ZNF195: variants seen among roughly 807,000 people sequenced by gnomAD.
ZNF195 encodes hypoxia-regulated factor-1.
ZNF195 carries 11 observed loss-of-function variants against 19.5 expected under a neutral mutation model. The ratio of observed to expected loss-of-function variants is 0.57; its 90% CI spans 0.36 to 0.94. The LOEUF (loss-of-function observed/expected upper bound fraction) is 0.94, where lower values mean the gene tolerates loss of function less well. Ranked by LOEUF, ZNF195 falls within the 40% of genes least tolerant of loss-of-function variation. The probability of loss-of-function intolerance (pLI) is 0.01; values close to 1 mark genes in which losing one functional copy is unlikely to be tolerated. For missense variants in ZNF195, 582 were observed against 709.0 expected, an observed-to-expected ratio of 0.82 and a Z score of 2.03; for synonymous variants, 214 against 248.1, an observed-to-expected ratio of 0.86 and a Z score of 1.29.
intron 3 of ZNF195, among the ~76,000 whole-genome samples, chr11:3,367,281 C>A (rs528609620): frequency 2.6e-5 from 4 of 151,834 alleles, no homozygotes; most frequent in African/African-American, 9.7e-5. Context: ...TATATACATA[C>A]AAGGAATATT....
chr11:3,377,601 T>C (rs1396226526), intron 1 of ZNF195: 13 of 1,165,058 alleles, frequency 1.1e-5, no homozygotes, highest in African/African-American at 1.6e-5. Flanking sequence ...ACAATCTTAA[T>C]GTCCTAAGTG....
chr11:3,379,078 A>G lies in ZNF195; in HGVS notation c.-38T>C. ...AGAGAGCCTGGCGTTTCACTTCTGG[A>G]TCTCCCGGTGCCTGCGGGTCACACG... is the stretch of plus-strand genomic sequence containing the variant. On this transcript the variant is annotated 5_prime_UTR_variant, in exon 1 of 6. Coordinates refer to ENST00000399602, the MANE Select transcript of ZNF195 (RefSeq NM_001130520.3). 1 of 1,493,212 alleles carries G rather than the reference A, an allele frequency of 6.7e-7. No homozygotes were observed. The highest frequency in any genetic ancestry group is 9.0e-7 in the Non-Finnish European group (1 of 1,111,186). The allele number at this position is 1,493,212 out of a possible 1,614,324, so 92.5% of individuals were successfully genotyped here.
intron 1 of ZNF195, among the ~76,000 whole-genome samples, chr11:3,373,950 C>G (rs548364266): frequency 6.6e-5 from 10 of 152,334 alleles, no homozygotes; most frequent in Non-Finnish European, 1.5e-4. Context: ...TGTGACCTCC[C>G]TTTGGAACCA....
At chr11:3,370,211 CACACATATAT>C (rs1849131631) in intron 3 of ZNF195, among the ~76,000 whole-genome samples, 2 of 150,524 alleles carry the variant, frequency 1.3e-5, no homozygotes, top group Non-Finnish European at 2.9e-5. Context: ...CACATATATA[CACACATATAT>C]ACACACATAT....
intron 1 of ZNF195, chr11:3,377,831 G>C (rs908930015): frequency 2.7e-5 from 27 of 988,586 alleles, no homozygotes; most frequent in Non-Finnish European, 4.8e-6. Flanking sequence ...GGGTGGCTGA[G>C]AGCAAATCAC....
At position 3,359,360 on chromosome 11, in the gene ZNF195, A is replaced by G; in HGVS notation, c.1648T>C (p.Tyr550His). 6.2e-7 allele frequency: 1 copy of G among 1,614,032 alleles called. No individual in the cohort carries two copies. Among genetic ancestry groups the G allele is most frequent in the Non-Finnish European group, 8.5e-7 (1 of 1,179,986 alleles). ...HKRIHTGEKP[Y>H]KCEECGRVFM... ...ACTCTGCCACATTCTTCACACTTGT[A>G]GGGTTTCTCTCCAGTATGAATTCTC... Residue 550 changes from tyrosine (Y) to histidine (H), a missense_variant, in exon 6 of 6, where the codon TAC (tyrosine) becomes CAC (histidine). By Grantham distance (83) the Tyr-to-His change is moderately conservative. Around this residue, in one of 3 missense-constraint regions of ZNF195, gnomAD observed 407 missense variants for 530.5 expected, o/e 0.77. Transcript: ENST00000399602. The surrounding 1 kb of genome is among the most constrained non-coding windows in gnomAD (Gnocchi z 5.5).
At chr11:3,362,392 T>A (rs969550385) in intron 3 of ZNF195, 1 of 319,804 alleles carries the variant, frequency 3.1e-6, no homozygotes, top group Non-Finnish European at 5.7e-6. Flanking sequence ...ATCTAAAATT[T>A]GAAAGATGAA....
chr11:3,360,473 C>T lies in ZNF195; in HGVS notation c.535G>A (p.Gly179Ser). ...TTCCTTAAATATAAATTATCAAGGC[C>T]ACAATTTCCATATCCTCTCAGTATT... ...KRILRGYGNC[G>S]LDNLYLRKDW... is the part of the protein sequence containing the mutation. Residue 179 changes from glycine (G) to serine (S), a missense_variant, in exon 6 of 6, where the codon GGC becomes AGC. Physicochemically the swap from Gly to Ser is moderately conservative, Grantham distance 56. This residue lies in a region of ZNF195 where 407 missense variants were observed against 530.5 expected (regional missense o/e 0.77). Coordinates refer to ENST00000399602, the MANE Select transcript of ZNF195 (RefSeq NM_001130520.3). 1 of 1,609,846 alleles carries T rather than the reference C, an allele frequency of 6.2e-7. No individual in the cohort carries two copies. Among genetic ancestry groups the T allele is most frequent in the Non-Finnish European group, 8.5e-7 (1 of 1,179,530 alleles).
chr11:3,366,554 A>G (rs1039474674), intron 3 of ZNF195: 1 of 152,710 alleles, frequency 6.5e-6, no homozygotes, highest in African/African-American at 2.4e-5. Flanking sequence ...TCTCTCCAAA[A>G]AAGATATGGA....
At position 3,371,529 on chromosome 11, in the gene ZNF195, G is replaced by C. The variant is rs532709401; in HGVS notation, c.130+48C>G. ...AAAAACATTCCGCAGAGGAACGAAA[G>C]GAACTCTTTAGGGCATAGGAGGAAC... On this transcript the variant is annotated intron_variant, in intron 2 of 5. Transcript: ENST00000399602. 20 of 1,612,380 alleles carry C rather than the reference G, an allele frequency of 1.2e-5. No individual in the cohort carries two copies. In the East Asian group the frequency reaches 4.2e-4, roughly 34 times the overall value.
intron 3 of ZNF195, among the ~76,000 whole-genome samples, chr11:3,364,016 C>T (rs183816417): frequency 1.1e-4 from 16 of 152,292 alleles, no homozygotes; most frequent in African/African-American, 3.9e-4. Context: ...AGGTTGTTAA[C>T]TTTCCAAATT....
At chr11:3,371,524 C>A in intron 2 of ZNF195, 53 bp downstream of exon 2, 2 of 1,611,064 alleles carry the variant, frequency 1.2e-6, no homozygotes, top group Admixed American at 1.7e-5. Context: ...CGCAGAGGAA[C>A]GAAAGGAACT....
intron 1 of ZNF195, 111 bp from the exon 2 acceptor site, chr11:3,371,814 T>G: frequency 7.8e-7 from 1 of 1,280,284 alleles, no homozygotes; most frequent in Non-Finnish European, 1.1e-6. Flanking sequence ...ATAAGGTAAT[T>G]CTTAGCAGAA....
intron 1 of ZNF195, among the ~76,000 whole-genome samples, chr11:3,376,609 A>C (rs1849480190): frequency 6.6e-6 from 1 of 152,266 alleles, no homozygotes; most frequent in African/African-American, 2.4e-5. Flanking sequence ...TCACTGAAAC[A>C]GTTTACAGAA....
chr11:3,359,367 C>A lies in ZNF195; in HGVS notation c.1641G>T (p.Glu547Asp). ...LIVHKRIHTG[E>D]KPYKCEECGR... ...CACATTCTTCACACTTGTAGGGTTT[C>A]TCTCCAGTATGAATTCTCTTATGTA... Residue 547 changes from glutamate (E) to aspartate (D), a missense_variant, in exon 6 of 6, where the codon GAG becomes GAT. Glu to Asp is a conservative substitution (Grantham distance 45, BLOSUM62 2). Transcript: ENST00000399602. The surrounding 1 kb of genome is among the most constrained non-coding windows in gnomAD (Gnocchi z 5.5). 6.2e-7 allele frequency: 1 copy of A among 1,613,624 alleles called. No individual in the cohort carries two copies. The highest frequency in any genetic ancestry group is 1.1e-5 in the South Asian group (1 of 91,024).
Position 3,360,335 on chromosome 11 carries a change from A to G in ZNF195, c.673T>C (p.Phe225Leu), listed in dbSNP as rs751648101. Residue 225 changes from phenylalanine (F) to leucine (L), a missense_variant, in exon 6 of 6, where the codon TTT (phenylalanine) becomes CTT (leucine). Physicochemically the swap from Phe to Leu is conservative, Grantham distance 22 (BLOSUM62 0). Coordinates refer to ENST00000399602, the MANE Select transcript of ZNF195 (RefSeq NM_001130520.3). ...CTATGTAAATTTGAAAAGTTATCAA[A>G]GATTTTAACATATTTATTATATTGA... ...IFQYNKYVKI[F>L]DNFSNLHRRN... 1 of 1,600,828 alleles carries G rather than the reference A, an allele frequency of 6.2e-7. No homozygotes were observed. The highest frequency in any genetic ancestry group is 1.1e-5 in the South Asian group (1 of 89,492).
chr11:3,373,178 T>A (rs955070128), intron 1 of ZNF195, among the ~76,000 whole-genome samples: 3 of 152,250 alleles, frequency 2.0e-5, no homozygotes, highest in African/African-American at 7.2e-5. Flanking sequence ...CTTAGTCCTG[T>A]TCTGCATGCA....
Position 3,360,389 on chromosome 11 carries a change from A to G in ZNF195, c.619T>C (p.Cys207Arg), listed in dbSNP as rs372686201. ...LQKDYNGLNQ[C>R]SSTTHSKIFQ... Reference sequence around the variant, plus strand: ...ATTTTGCTATGGGTAGTTGATGAACATTGGTTAAGTCCATTATAATCTTTT... The same window carrying G: ...ATTTTGCTATGGGTAGTTGATGAACGTTGGTTAAGTCCATTATAATCTTTT... Residue 207 changes from cysteine (C) to arginine (R), a missense_variant, in exon 6 of 6, where the codon TGT becomes CGT. Cys to Arg is a radical substitution (Grantham distance 180, BLOSUM62 -3). This residue lies in a region of ZNF195 where 407 missense variants were observed against 530.5 expected (regional missense o/e 0.77). Transcript: ENST00000399602. 1.2e-6 allele frequency: 2 copies of G among 1,610,650 alleles called. No individual in the cohort carries two copies. The highest frequency in any genetic ancestry group is 1.7e-6 in the Non-Finnish European group (2 of 1,178,858).
chr11:3,359,527 T>A lies in ZNF195; in HGVS notation c.1481A>T (p.Tyr494Phe). 6.2e-7 allele frequency: 1 copy of A among 1,614,136 alleles called. No homozygotes were observed. Among genetic ancestry groups the A allele is most frequent in the South Asian group, 1.1e-5 (1 of 91,082 alleles). ...GATGTTGCCACATTCTTCACACGTG[T>A]AGGGTTTTTCTTCAGAATGAGTTCT... The part of the protein sequence containing the change: ...HKRTHSEEKP[Y>F]TCEECGNIFK... The change falls in exon 6 of 6, where the codon TAC becomes TTC. Residue 494 changes from tyrosine (Y) to phenylalanine (F), a missense_variant. By Grantham distance (22) the Tyr-to-Phe change is conservative (BLOSUM62 3). Around this residue, in one of 3 missense-constraint regions of ZNF195, gnomAD observed 407 missense variants for 530.5 expected, o/e 0.77. Transcript: ENST00000399602. This position sits in a 1 kb window ranked among gnomAD's most constrained non-coding sequence, Gnocchi z 5.5.
Sources: allele counts gnomAD v4.1 joint callset (sites outside exome capture counted in the v4.1 genomes callset), GRCh38; gene constraint gnomAD v4.1.1; regional missense constraint gnomAD v4.1.1; non-coding constraint Gnocchi (gnomAD v3.1); transcripts MANE v1.5; gene names NCBI Gene and HGNC (gene_info 2026-07-23, HGNC 2026-07-21).